The following GLMN variants were observed in gnomAD, a reference collection of about 807,000 sequenced individuals.
The protein encoded by GLMN is glomulin, FKBP associated protein.
A neutral mutation model predicts 87.8 loss-of-function variants in GLMN; 75 were observed. That is an observed-to-expected ratio of 0.85 (90% CI 0.71 to 1.04). The LOEUF is 1.04. Among genes scored for constraint, GLMN ranks in the 50% least tolerant of loss-of-function variants. GLMN has a pLI of 0.00. For synonymous variants in GLMN, 206 were observed against 221.6 expected (o/e 0.93, Z 0.63); for missense variants, 588 against 658.8 (o/e 0.89, Z 1.18).
chr1:92,333,274 A>T, the GLMN span: 1 of 730,878 alleles, frequency 1.4e-6, no homozygotes, highest in Admixed American at 2.5e-5. Flanking sequence ...AAGTCTAGTT[A>T]TTTTCCTACT....
At chr1:92,325,869 T>G in the GLMN span, among the ~76,000 whole-genome samples, 1 of 152,184 alleles carries the variant, frequency 6.6e-6, no homozygotes, top group African/African-American at 2.4e-5. Flanking sequence ...TTGTTGCATA[T>G]AGCTGTAGTT....
chr1:92,343,243 C>G, the GLMN span, among the ~76,000 whole-genome samples: 1 of 152,116 alleles, frequency 6.6e-6, no homozygotes, highest in Admixed American at 6.6e-5. Context: ...AAGTGCTGGA[C>G]AGATTAAGAT....
the GLMN span, among the ~76,000 whole-genome samples, chr1:92,314,967 C>T: frequency 1.3e-5 from 2 of 152,100 alleles, no homozygotes; most frequent in Admixed American, 6.5e-5. Flanking sequence ...ATCTCTTGAA[C>T]CCGAGAGGCA....
chr1:92,337,159 T>C, the GLMN span, among the ~76,000 whole-genome samples: 1 of 152,100 alleles, frequency 6.6e-6, no homozygotes, highest in Non-Finnish European at 1.5e-5. Context: ...CAGAATAAAC[T>C]TCTAGGGTGG....
intron 16 of GLMN, among the ~76,000 whole-genome samples, chr1:92,260,254 G>A (rs1314944872): frequency 6.6e-6 from 1 of 151,992 alleles, no homozygotes; most frequent in East Asian, 1.9e-4. Context: ...TAATTCTTAT[G>A]GTAACTTATA....
intron 18 of GLMN, 133 bp downstream of exon 18, chr1:92,246,928 TG>T: frequency 1.4e-6 from 1 of 728,154 alleles, no homozygotes; most frequent in East Asian, 2.5e-5. Context: ...GAATCTGAGG[TG>T]GGTGGATCAC....
At chr1:92,281,669 A>C (rs552383221) in intron 7 of GLMN, among the ~76,000 whole-genome samples, 32 of 152,292 alleles carry the variant, frequency 2.1e-4, no homozygotes, top group African/African-American at 7.5e-4. Context: ...AAAGACACAG[A>C]CTGGCAAATT....
At position 92,273,623 on chromosome 1, in the gene GLMN, TTTTTTTA is replaced by T. The variant is rs1328361304; in HGVS notation, c.736-1978_736-1972del. Among the ~76,000 whole-genome samples the T allele has an allele frequency of 7.9e-5, 12 of 151,848 alleles. 1 individual carries two copies. In the East Asian group the frequency reaches 2.3e-3, roughly 29 times the overall value. On this transcript the variant is annotated intron_variant, in intron 7 of 18. Transcript: ENST00000370360. Reference sequence around the variant, plus strand: ...ACCATGCCCGCTATTTTTTTTTTATTTTTTTTATTTTTTATAGAGATGGGGTTTCGCC... The same window carrying T: ...ACCATGCCCGCTATTTTTTTTTTATTTTTTTTATAGAGATGGGGTTTCGCC...
At chr1:92,248,283 C>T (rs538862002) in intron 16 of GLMN, 17 of 281,338 alleles carry the variant, frequency 6.0e-5, no homozygotes, top group South Asian at 5.3e-4. Flanking sequence ...AATTCACAGA[C>T]GTCTCTTCCT....
At chr1:92,250,207 A>ATAAATACTAGATAT (rs1653279573) in intron 16 of GLMN, among the ~76,000 whole-genome samples, 1 of 152,172 alleles carries the variant, frequency 6.6e-6, no homozygotes, top group Non-Finnish European at 1.5e-5. Flanking sequence ...CTTTTAAAAA[A>ATAAATACTAGATAT]TAAATACTAG....
At chr1:92,332,137 G>A in the GLMN span, among the ~76,000 whole-genome samples, 2 of 151,150 alleles carry the variant, frequency 1.3e-5, no homozygotes, top group African/African-American at 4.9e-5. Context: ...TATCTTGTAG[G>A]TCTCTTAATC....
chr1:92,305,784 T>G, the GLMN span, among the ~76,000 whole-genome samples: 1 of 152,312 alleles, frequency 6.6e-6, no homozygotes, highest in East Asian at 1.9e-4. Context: ...ACACTGAGTT[T>G]TGTTTTCACA....
intron 17 of GLMN, 45 bp from the exon 18 acceptor site, chr1:92,247,189 T>A: frequency 1.1e-6 from 1 of 912,138 alleles, no homozygotes; most frequent in Non-Finnish European, 1.8e-6. Flanking sequence ...CTCTCAGATT[T>A]CAATAACAAA....
At chr1:92,298,237 A>T (rs1208809065) in intron 1 of GLMN, among the ~76,000 whole-genome samples, 1 of 152,204 alleles carries the variant, frequency 6.6e-6, no homozygotes, top group East Asian at 1.9e-4. Context: ...TGTTTGCCTA[A>T]GAAAATAAAG....
the GLMN span, among the ~76,000 whole-genome samples, chr1:92,368,826 G>A: frequency 6.6e-6 from 1 of 152,140 alleles, no homozygotes; most frequent in African/African-American, 2.4e-5. Context: ...CTAAATAAAG[G>A]TCTTATCAAT....
chr1:92,366,627 A>G, the GLMN span, among the ~76,000 whole-genome samples: 7 of 152,336 alleles, frequency 4.6e-5, no homozygotes, highest in South Asian at 1.5e-3. Flanking sequence ...AATAACAAAC[A>G]AGCAAGGCAG....
the GLMN span, among the ~76,000 whole-genome samples, chr1:92,314,915 C>G: frequency 1.3e-5 from 2 of 149,288 alleles, no homozygotes; most frequent in Non-Finnish European, 3.0e-5. Context: ...CATGGTGGCT[C>G]ACGCCTGTAA....
upstream of GLMN, among the ~76,000 whole-genome samples, chr1:92,302,863 G>C (rs933463834): frequency 1.3e-5 from 2 of 151,764 alleles, no homozygotes; most frequent in African/African-American, 4.8e-5. Context: ...GCCTCCCAAA[G>C]TGCTGGGATT....
chr1:92,315,692 A>C, the GLMN span, among the ~76,000 whole-genome samples: 1 of 152,216 alleles, frequency 6.6e-6, no homozygotes, highest in Non-Finnish European at 1.5e-5. Context: ...TTTAAGATTT[A>C]GACAAATTCA....
Sources: allele counts gnomAD v4.1 joint callset (sites outside exome capture counted in the v4.1 genomes callset), GRCh38; gene constraint gnomAD v4.1.1; transcripts MANE v1.5; gene names NCBI Gene and HGNC (gene_info 2026-07-23, HGNC 2026-07-21).